Variants in CSMD1 observed in about 807,000 individuals in gnomAD.
CSMD1 encodes the protein CUB and sushi domain-containing protein 1.
CSMD1 carries 213 observed loss-of-function variants against 417.5 expected under a neutral mutation model. That is an observed-to-expected ratio of 0.51 (90% confidence interval 0.46 to 0.57). CSMD1 has a LOEUF of 0.57. Ranked by LOEUF, CSMD1 falls within the 20% of genes least tolerant of loss-of-function variation. The pLI is 0.00. For missense variants in CSMD1, 6,923 were observed against 4,529.7 expected (o/e 1.53, Z -15.17); for synonymous variants, 2,862 against 1,736.8 (o/e 1.65, Z -16.11).
intron 5 of CSMD1, among the ~76,000 whole-genome samples, chr8:3,982,956 C>A (rs1563282224): frequency 6.6e-6 from 1 of 151,924 alleles, no homozygotes; most frequent in African/African-American, 2.4e-5. Flanking sequence ...AAAAACAAAA[C>A]AAACAAACAA....
intron 46 of CSMD1, among the ~76,000 whole-genome samples, chr8:3,099,394 T>G (rs1291302804): frequency 6.6e-6 from 1 of 152,124 alleles, no homozygotes; most frequent in East Asian, 1.9e-4. Flanking sequence ...GGCTGCCTCT[T>G]CTGTCTGTGG....
chr8:4,262,865 A>G (rs1475768213), intron 3 of CSMD1, among the ~76,000 whole-genome samples: 3 of 152,210 alleles, frequency 2.0e-5, no homozygotes, highest in South Asian at 2.1e-4. Flanking sequence ...TAAGCCAATA[A>G]AAACAGCATT....
At chr8:4,925,843 G>A (rs535213912) in intron 1 of CSMD1, among the ~76,000 whole-genome samples, 2 of 152,124 alleles carry the variant, frequency 1.3e-5, no homozygotes, top group African/African-American at 4.8e-5. Context: ...CCTCGCGCCT[G>A]GCCTCTATCT....
chr8:4,641,939 G>C (rs1399069282), intron 1 of CSMD1, among the ~76,000 whole-genome samples: 18 of 152,156 alleles, frequency 1.2e-4, no homozygotes, highest in Admixed American at 1.2e-3. Context: ...CTAACATTTT[G>C]CTGAACACTT....
intron 26 of CSMD1, among the ~76,000 whole-genome samples, chr8:3,236,542 A>T (rs2116940705): frequency 6.6e-6 from 1 of 152,284 alleles, no homozygotes; most frequent in Admixed American, 6.5e-5. Flanking sequence ...TGATGCAAAG[A>T]TGTTTTCTGT....
At chr8:4,425,918 G>T (rs1217701531) in intron 2 of CSMD1, among the ~76,000 whole-genome samples, 1 of 151,864 alleles carries the variant, frequency 6.6e-6, no homozygotes, top group African/African-American at 2.4e-5. Context: ...TAATTTTTTA[G>T]TGTTTTACAA....
chr8:2,962,081 A>G (rs1323647703), intron 61 of CSMD1, among the ~76,000 whole-genome samples: 1 of 152,200 alleles, frequency 6.6e-6, no homozygotes, highest in Non-Finnish European at 1.5e-5. Flanking sequence ...ACCCAGCGAT[A>G]AAACTTGACT....
intron 2 of CSMD1, among the ~76,000 whole-genome samples, chr8:4,602,860 T>A (rs1016904269): frequency 7.2e-5 from 11 of 151,932 alleles, no homozygotes; most frequent in African/African-American, 2.4e-4. Context: ...AAGAAATCTT[T>A]TATTATAATT....
chr8:3,940,590 C>G (rs1383635989), intron 5 of CSMD1, among the ~76,000 whole-genome samples: 1 of 148,566 alleles, frequency 6.7e-6, no homozygotes, highest in Non-Finnish European at 1.5e-5. Context: ...AGAACAACAA[C>G]AAAAAAGAAC....
At chr8:4,604,343 T>C (rs1013779780) in intron 2 of CSMD1, among the ~76,000 whole-genome samples, 1 of 150,596 alleles carries the variant, frequency 6.6e-6, no homozygotes, top group African/African-American at 2.4e-5. Context: ...AATATATATA[T>C]AATATATTAT....
intron 5 of CSMD1, among the ~76,000 whole-genome samples, chr8:3,790,459 T>A (rs1163673048): frequency 6.6e-6 from 1 of 152,162 alleles, no homozygotes; most frequent in Non-Finnish European, 1.5e-5. Flanking sequence ...ACGGTTATGG[T>A]AATGTTGATG....
chr8:3,687,472 A>G (rs1040469264), intron 7 of CSMD1, among the ~76,000 whole-genome samples: 1 of 152,238 alleles, frequency 6.6e-6, no homozygotes, highest in African/African-American at 2.4e-5. Context: ...GAAAGCAATA[A>G]AACAGTAAGA....
chr8:4,729,970 G>C (rs775191320), intron 1 of CSMD1, among the ~76,000 whole-genome samples: 5 of 152,048 alleles, frequency 3.3e-5, no homozygotes, highest in Non-Finnish European at 5.9e-5. Context: ...CTAAACACGG[G>C]ACAAATCACT....
intron 4 of CSMD1, among the ~76,000 whole-genome samples, chr8:4,005,197 A>C (rs1246519574): frequency 6.6e-6 from 1 of 152,180 alleles, no homozygotes; most frequent in Non-Finnish European, 1.5e-5. Flanking sequence ...TGCATACTGC[A>C]CAGGTGGTGG....
chr8:4,020,177 A>G (rs994646898), intron 4 of CSMD1, among the ~76,000 whole-genome samples: 5 of 152,142 alleles, frequency 3.3e-5, no homozygotes, highest in Non-Finnish European at 7.4e-5. Flanking sequence ...AGATTTCTCA[A>G]GTAGGCACTT....
chr8:4,479,143 G>A (rs1800955184), intron 2 of CSMD1, among the ~76,000 whole-genome samples: 1 of 152,030 alleles, frequency 6.6e-6, no homozygotes, highest in African/African-American at 2.4e-5. Flanking sequence ...CTTTAATAAG[G>A]TTAATTTATA....
At chr8:3,168,291 G>C (rs891662761) in intron 37 of CSMD1, among the ~76,000 whole-genome samples, 4 of 152,076 alleles carry the variant, frequency 2.6e-5, no homozygotes, top group African/African-American at 9.7e-5. Context: ...ACAACTTGTT[G>C]GCTGTAGTGT....
At position 2,963,374 on chromosome 8, in the gene CSMD1, G is replaced by A. The variant is rs539274107; in HGVS notation, c.9302C>T (p.Pro3101Leu). ...CTCCACTGTTCCATTCTGCACCGGC[G>A]GCGGCTGAGGACACAGCACGGCTAT... ...VCKAVLCPQP[P>L]PVQNGTVEGS... is the part of the protein sequence containing the mutation. Residue 3101 changes from proline to leucine, a missense_variant, in exon 60 of 70, where the codon CCG becomes CTG. By Grantham distance (98) the Pro-to-Leu change is moderately conservative. Transcript: ENST00000635120. The A allele has an allele frequency of 7.4e-6, 12 of 1,613,864 alleles. No individual in the cohort carries two copies. Among genetic ancestry groups the A allele is most frequent in the South Asian group, 4.4e-5 (4 of 91,072 alleles).
chr8:4,434,474 T>G (rs2128949082), intron 2 of CSMD1, among the ~76,000 whole-genome samples: 1 of 152,258 alleles, frequency 6.6e-6, no homozygotes, highest in African/African-American at 2.4e-5. Flanking sequence ...CCCCACACTC[T>G]AACAGAAGGA....
Sources: gnomAD v4.1 joint callset for allele counts (sites outside exome capture counted in the v4.1 genomes callset) on GRCh38, gnomAD v4.1.1 for gene constraint, MANE v1.5 for transcripts, NCBI Gene and HGNC (gene_info 2026-07-23, HGNC 2026-07-21) for gene names.